Variants in ZNF317 observed in about 807,000 individuals in gnomAD.
ZNF317 encodes the protein KRAB-containing zinc finger protein 317.
ZNF317 carries 17 observed loss-of-function variants against 23.4 expected under a neutral mutation model. The ratio of observed to expected loss-of-function variants is 0.73; its 90% CI spans 0.50 to 1.09. The LOEUF (loss-of-function observed/expected upper bound fraction) is 1.09. ZNF317 is among the 50% of genes least tolerant of loss of function. The probability of loss-of-function intolerance (pLI) is 0.00; values close to 1 mark genes in which losing one functional copy is unlikely to be tolerated. For synonymous variants in ZNF317, 317 were observed against 314.9 expected (o/e 1.01, Z -0.07); for missense variants, 679 against 796.7 (o/e 0.85, Z 1.78).
intron 1 of ZNF317, among the ~76,000 whole-genome samples, chr19:9,155,608 G>A (rs1357483682): frequency 1.3e-5 from 2 of 152,184 alleles, no homozygotes; most frequent in Non-Finnish European, 2.9e-5. Flanking sequence ...AATGATCGCA[G>A]GCCTCGAAGG....
rs2050805291 is a variant in ZNF317, at chr19:9,158,063, G to A, written c.373G>A (p.Gly125Ser). 2 of 1,551,096 alleles carry A rather than the reference G, an allele frequency of 1.3e-6. No individual in the cohort carries two copies. Among genetic ancestry groups the A allele is most frequent in the Non-Finnish European group, 1.7e-6 (2 of 1,146,800 alleles). ...GACAGAGGAGAGGGGCGCTCACCAG[G>A]GCGCTTGTGCAGGTGAGCGAGCCCC... ...PRTEERGAHQGACADWETPSK... is the reference protein window; with the variant it reads ...PRTEERGAHQSACADWETPSK... The change falls in exon 5 of 7, where the codon GGC becomes AGC. Residue 125 changes from glycine to serine, a missense_variant. Transcript: ENST00000247956.
chr19:9,141,737 A>G (rs2050631527), intron 1 of ZNF317, among the ~76,000 whole-genome samples: 1 of 152,170 alleles, frequency 6.6e-6, no homozygotes, highest in Non-Finnish European at 1.5e-5. Flanking sequence ...ATTGAGTTGC[A>G]GTTAATTGAT....
intron 5 of ZNF317, among the ~76,000 whole-genome samples, chr19:9,158,395 G>T: frequency 1.9e-5 from 1 of 52,842 alleles, no homozygotes; most frequent in Non-Finnish European, 3.2e-5. Flanking sequence ...TTTTTTTGAC[G>T]GAGTCTCACT....
chr19:9,146,431 T>G (rs906837132), intron 1 of ZNF317, among the ~76,000 whole-genome samples: 2 of 146,604 alleles, frequency 1.4e-5, no homozygotes, highest in African/African-American at 2.5e-5. Flanking sequence ...CTTTTTTTCT[T>G]TTTTTTTTTT....
rs768134330 is a variant in ZNF317, at chr19:9,161,454, C to G, written c.*21C>G. The stretch of plus-strand genomic sequence containing the variant: ...AGTGAGCGCGCCTGCTTTAGAGACA[C>G]AGGATGATTCAGACCGGAAACAGAC... On this transcript the variant is annotated 3_prime_UTR_variant, in exon 7 of 7. Coordinates refer to ENST00000247956, the MANE Select transcript of ZNF317 (RefSeq NM_020933.5). This position sits in a 1 kb window ranked among gnomAD's most constrained non-coding sequence, Gnocchi z 4.0. 2.5e-6 allele frequency: 4 copies of G among 1,588,860 alleles called. No individual in the cohort carries two copies. The highest frequency in any genetic ancestry group is 3.4e-6 in the Non-Finnish European group (4 of 1,164,714).
chr19:9,157,318 G>C lies in ZNF317; in HGVS notation c.213G>C (p.Trp71Cys). The change falls in exon 4 of 7, where the codon TGG (tryptophan) becomes TGC (cysteine). Residue 71 changes from tryptophan to cysteine, a missense_variant. Trp to Cys is a radical substitution (Grantham distance 215). Coordinates refer to ENST00000247956, the MANE Select transcript of ZNF317 (RefSeq NM_020933.5). ...DVAVDFTEKE[W>C]PLLDSSQRKL... The stretch of plus-strand genomic sequence containing the variant: ...CTGTGGACTTTACCGAGAAGGAGTG[G>C]CCCTTGCTGGATTCTTCTCAGAGAA... 1 of 1,614,108 alleles carries C rather than the reference G, an allele frequency of 6.2e-7. No homozygotes were observed. The highest frequency in any genetic ancestry group is 1.6e-4 in the Middle Eastern group (1 of 6,062).
rs1484705840 is a variant in ZNF317, at chr19:9,162,441, C to G, written c.*1008C>G. ...AAAATACAATTAGTGCTGATAATTCCTATGTGGAAATGATTCCAGCCATGG... is the reference window on the plus strand; with the variant it reads ...AAAATACAATTAGTGCTGATAATTCGTATGTGGAAATGATTCCAGCCATGG... On this transcript the variant is annotated 3_prime_UTR_variant, in exon 7 of 7. Coordinates refer to ENST00000247956, the MANE Select transcript of ZNF317 (RefSeq NM_020933.5). 6.6e-6 allele frequency: 1 copy of G among 151,764 alleles called. No homozygotes were observed. The highest frequency in any genetic ancestry group is 1.5e-5 in the Non-Finnish European group (1 of 67,958). 9.4% of individuals were successfully genotyped at this position (151,764 alleles called of 1,614,324 possible). A position where few individuals can be genotyped will look rare whatever the true frequency, so the allele number is the denominator to read the frequency against.
At position 9,160,242 on chromosome 19, in the gene ZNF317, T is replaced by C. The variant is rs2050833075; in HGVS notation, c.597T>C (p.Tyr199=). Residue 199 remains tyrosine (Y), a synonymous_variant, in exon 7 of 7, where the codon TAT becomes TAC. Coordinates refer to ENST00000247956, the MANE Select transcript of ZNF317 (RefSeq NM_020933.5). This position sits in a 1 kb window ranked among gnomAD's most constrained non-coding sequence, Gnocchi z 6.8. ...AGAGGCCCTATCACCGCCGCGACTA[T>C]GGGGTAGCGTTCAAGGGCAGGCCGC... ...AGKRPYHRRD[Y]GVAFKGRPHL... The C allele has an allele frequency of 1.2e-6, 2 of 1,613,974 alleles. No individual in the cohort carries two copies. The highest frequency in any genetic ancestry group is 1.7e-5 in the Admixed American group (1 of 59,986).
At chr19:9,145,510 A>G (rs1007535792) in intron 1 of ZNF317, among the ~76,000 whole-genome samples, 2 of 152,200 alleles carry the variant, frequency 1.3e-5, no homozygotes, top group Admixed American at 1.3e-4. Flanking sequence ...TTTGAGAACT[A>G]TTGCTTAAAA....
chr19:9,163,323 C>T lies in ZNF317; in HGVS notation c.*1890C>T, dbSNP rs1220993030. 2 of 152,244 alleles carry T rather than the reference C, an allele frequency of 1.3e-5. No individual in the cohort carries two copies. Among genetic ancestry groups the T allele is most frequent in the African/African-American group, 2.4e-5 (1 of 41,452 alleles). 9.4% of individuals were successfully genotyped at this position (152,244 alleles called of 1,614,324 possible). On this transcript the variant is annotated 3_prime_UTR_variant, in exon 7 of 7. Coordinates refer to ENST00000247956, the MANE Select transcript of ZNF317 (RefSeq NM_020933.5). ...AAAGCTCACAGCGACCCTGGCCTCC[C>T]CTGTGGCCTCTTTGAGTGTCTGCAG...
At chr19:9,158,732 G>A in intron 5 of ZNF317, 94 bp from the exon 6 acceptor site, 1 of 845,918 alleles carries the variant, frequency 1.2e-6, no homozygotes, top group South Asian at 1.5e-5. Flanking sequence ...TCCTTACATA[G>A]CCTTAGGATC....
intron 1 of ZNF317, among the ~76,000 whole-genome samples, chr19:9,151,070 G>C (rs1018548249): frequency 6.6e-6 from 1 of 152,202 alleles, no homozygotes; most frequent in Non-Finnish European, 1.5e-5. Context: ...GGTGGGGAAA[G>C]GTGGAATGGG....
At chr19:9,150,391 GT>G (rs1478436791) in intron 1 of ZNF317, among the ~76,000 whole-genome samples, 3 of 152,206 alleles carry the variant, frequency 2.0e-5, no homozygotes, top group Non-Finnish European at 4.4e-5. Context: ...AGAAAACTGA[GT>G]TTTGATGAAC....
intron 1 of ZNF317, among the ~76,000 whole-genome samples, chr19:9,150,775 A>T (rs2050729370): frequency 6.6e-6 from 1 of 152,190 alleles, no homozygotes; most frequent in Non-Finnish European, 1.5e-5. Context: ...AAGGGTCAAG[A>T]TGTAGTGTCA....
intron 1 of ZNF317, among the ~76,000 whole-genome samples, chr19:9,143,789 T>C (rs937324139): frequency 1.3e-5 from 2 of 151,668 alleles, no homozygotes; most frequent in Admixed American, 6.6e-5. Flanking sequence ...TTTGAGGCTG[T>C]GTTTTATACA....
At position 9,162,128 on chromosome 19, in the gene ZNF317, G is replaced by A. The variant is rs754903171; in HGVS notation, c.*695G>A. Reference sequence around the variant, plus strand: ...CAGCACGGGTTCTCAGTCGGGCGACGATTTGGCTGTCTAGGCGTCATTTGG... The same window carrying A: ...CAGCACGGGTTCTCAGTCGGGCGACAATTTGGCTGTCTAGGCGTCATTTGG... On this transcript the variant is annotated 3_prime_UTR_variant, in exon 7 of 7. Transcript: ENST00000247956. 2 of 152,118 alleles carry A rather than the reference G, an allele frequency of 1.3e-5. No individual in the cohort carries two copies. The highest frequency in any genetic ancestry group is 1.9e-4 in the East Asian group (1 of 5,182). 9.4% of individuals were successfully genotyped at this position (152,118 alleles called of 1,614,324 possible). A position where few individuals can be genotyped will look rare whatever the true frequency, so the allele number is the denominator to read the frequency against.
intron 1 of ZNF317, among the ~76,000 whole-genome samples, chr19:9,154,302 T>C (rs2050762886): frequency 6.6e-6 from 1 of 152,234 alleles, no homozygotes; most frequent in South Asian, 2.1e-4. Context: ...GTTTGAATTT[T>C]TGACAATTGT....
chr19:9,141,592 A>T (rs1012873731), intron 1 of ZNF317, among the ~76,000 whole-genome samples: 1 of 152,198 alleles, frequency 6.6e-6, no homozygotes, highest in Admixed American at 6.5e-5. Flanking sequence ...TGAAGTACTT[A>T]CACCTAGCCA....
chr19:9,161,499 GC>G lies in ZNF317; in HGVS notation c.*68del. The G allele has an allele frequency of 6.5e-7, 1 of 1,536,250 alleles. No homozygotes were observed. The highest frequency in any genetic ancestry group is 8.8e-7 in the Non-Finnish European group (1 of 1,140,804). ...ACAGACCTCGTGGGTGTAAGAGGAA[GC>G]CTCTGTGAGCTCGCACCTTACTGGG... On this transcript the variant is annotated 3_prime_UTR_variant, in exon 7 of 7. Transcript: ENST00000247956. This position sits in a 1 kb window ranked among gnomAD's most constrained non-coding sequence, Gnocchi z 4.0.
Sources: allele counts gnomAD v4.1 joint callset (sites outside exome capture counted in the v4.1 genomes callset), GRCh38; gene constraint gnomAD v4.1.1; non-coding constraint Gnocchi (gnomAD v3.1); transcripts MANE v1.5; gene names NCBI Gene and HGNC (gene_info 2026-07-23, HGNC 2026-07-21).